The following FYCO1 variants were observed in gnomAD, a reference collection of about 807,000 sequenced individuals.
FYCO1 encodes FYVE and coiled-coil domain-containing protein 1.
FYCO1 carries 122 observed loss-of-function variants against 165.1 expected under a neutral mutation model. The ratio of observed to expected loss-of-function variants is 0.74; its 90% CI spans 0.64 to 0.86. FYCO1 has a LOEUF of 0.86. Ranked by LOEUF, FYCO1 falls within the 40% of genes least tolerant of loss-of-function variation. FYCO1 has a pLI of 0.00. For synonymous variants in FYCO1, 648 were observed against 742.5 expected, an observed-to-expected ratio of 0.87 and a Z score of 2.07; for missense variants, 1,702 against 1,810.3, an observed-to-expected ratio of 0.94 and a Z score of 1.09.
chr3:45,946,265 G>A (rs1478148080), intron 14 of FYCO1: 1 of 525,252 alleles, frequency 1.9e-6, no homozygotes, highest in Non-Finnish European at 3.4e-6. Flanking sequence ...GGCTAATGGA[G>A]AGTCCTCATC....
At position 45,968,830 on chromosome 3, in the gene FYCO1, A is replaced by G. The variant is rs1706265110; in HGVS notation, c.631-127T>C. The G allele has an allele frequency of 5.4e-6, 6 of 1,102,894 alleles. No homozygotes were observed. The South Asian group carries it at 6.8e-5, about 12-fold the overall frequency. The allele number at this position is 1,102,894 out of a possible 1,614,324, so 68.3% of individuals were successfully genotyped here. A position where few individuals can be genotyped will look rare whatever the true frequency, so the allele number is the denominator to read the frequency against. ...ATTACCTGCCCTAAGGTTAGTCTAA[A>G]GAACTATTCAAAAGACTAGAATCCC... On this transcript the variant is annotated intron_variant, in intron 7 of 17. Transcript: ENST00000296137.
chr3:45,985,996 G>A (rs960994054), intron 1 of FYCO1, among the ~76,000 whole-genome samples: 5 of 152,274 alleles, frequency 3.3e-5, no homozygotes, highest in African/African-American at 7.2e-5. Flanking sequence ...GGTCTATTGC[G>A]TGCAGGGCTC....
In FYCO1 at chr3:45,975,989, G is replaced by A. The variant is rs1021738495; in HGVS notation, c.289-644C>T. Among the ~76,000 whole-genome samples the A allele has an allele frequency of 6.8e-4, 103 of 152,302 alleles. 1 individual carries two copies. Among genetic ancestry groups the A allele is most frequent in the East Asian group, 2.7e-3 (14 of 5,186 alleles). On this transcript the variant is annotated intron_variant, in intron 4 of 17. Transcript: ENST00000296137. ...CAGTAAAATCTACAAGTCTGCCAAC[G>A]CTTTCCTGGTTGGATTTCCTGTTCT... is the stretch of plus-strand genomic sequence containing the variant.
intron 11 of FYCO1, among the ~76,000 whole-genome samples, chr3:45,960,157 G>C (rs62242788): frequency 0.15 from 22,488 of 152,210 alleles, 2,102 homozygotes; most frequent in East Asian, 0.28. Flanking sequence ...TGCACTGGAG[G>C]GGGAGGATGT....
chr3:45,936,375 G>A (rs1397392152), intron 15 of FYCO1, 73 bp downstream of exon 15: 19 of 995,564 alleles, frequency 1.9e-5, no homozygotes, highest in South Asian at 1.9e-4. Flanking sequence ...GGTCCCCAGC[G>A]CCGGCACTGG....
chr3:45,939,656 C>T (rs759809772), intron 14 of FYCO1, among the ~76,000 whole-genome samples: 84 of 152,294 alleles, frequency 5.5e-4, no homozygotes, highest in Admixed American at 1.0e-3. Context: ...AGGGTGCCAT[C>T]TCCCCTCAGC....
chr3:45,946,450 CTG>C lies in FYCO1; in HGVS notation c.3944+8797_3944+8798del, dbSNP rs1704611896. 4 of 1,576,206 alleles carry C rather than the reference CTG, an allele frequency of 2.5e-6. No individual in the cohort carries two copies. The African/African-American group carries it at 5.4e-5, about 21-fold the overall frequency. On this transcript the variant is annotated intron_variant, in intron 14 of 17. Transcript: ENST00000296137. ...CAGCCCCAAATATAATTCCTGGGTT[CTG>C]ACTCACAGGTGTTCATCAGAACAGA...
chr3:45,963,902 T>C (rs1433552090), intron 10 of FYCO1, among the ~76,000 whole-genome samples: 2 of 152,200 alleles, frequency 1.3e-5, no homozygotes, highest in African/African-American at 2.4e-5. Context: ...AAAATGGGGA[T>C]AGATGATAAC....
intron 15 of FYCO1, among the ~76,000 whole-genome samples, chr3:45,932,128 A>T (rs1221089564): frequency 1.3e-5 from 2 of 152,164 alleles, no homozygotes; most frequent in Non-Finnish European, 2.9e-5. Flanking sequence ...TGCTGCAAGG[A>T]CTAGATTACA....
intron 14 of FYCO1, among the ~76,000 whole-genome samples, chr3:45,940,562 C>A (rs890024935): frequency 6.6e-6 from 1 of 152,144 alleles, no homozygotes; most frequent in Non-Finnish European, 1.5e-5. Context: ...AGGGAAGAGT[C>A]GGGGGAGAAG....
chr3:45,955,468 G>A, intron 13 of FYCO1, 75 bp from the exon 14 acceptor site: 1 of 1,540,122 alleles, frequency 6.5e-7, no homozygotes, highest in Non-Finnish European at 8.9e-7. Flanking sequence ...GGGCCCTTGG[G>A]AAAGTGAGAG....
chr3:45,974,901 G>A (rs1204629962), intron 5 of FYCO1, among the ~76,000 whole-genome samples: 3 of 152,210 alleles, frequency 2.0e-5, no homozygotes, highest in African/African-American at 7.2e-5. Flanking sequence ...GAGAGGCCAA[G>A]GCTGTAACCT....
At chr3:45,936,759 G>C (rs1179245657) in intron 14 of FYCO1, among the ~76,000 whole-genome samples, 1 of 152,142 alleles carries the variant, frequency 6.6e-6, no homozygotes, top group Non-Finnish European at 1.5e-5. Context: ...GAAGACAATA[G>C]GGCTACAGCA....
Position 45,919,041 on chromosome 3 carries a change from G to C in FYCO1, c.*2724C>G, listed in dbSNP as rs895118072. The C allele has an allele frequency of 6.7e-6, 1 of 149,504 alleles. No individual in the cohort carries two copies. The highest frequency in any genetic ancestry group is 2.5e-5 in the African/African-American group (1 of 40,088). The allele number at this position is 149,504 out of a possible 1,614,324, so 9.3% of individuals were successfully genotyped here. A position where few individuals can be genotyped will look rare whatever the true frequency, so the allele number is the denominator to read the frequency against. On this transcript the variant is annotated 3_prime_UTR_variant, in exon 18 of 18. Transcript: ENST00000296137. ...TATGAAGACGTAACTGTTATTCAGA[G>C]AGATGAGCCATCAAGGGGCTGCCCC...
Position 45,966,988 on chromosome 3 carries a change from C to A in FYCO1, c.2346G>T (p.Gln782His), listed in dbSNP as rs778628335. 1.2e-6 allele frequency: 2 copies of A among 1,613,066 alleles called. No homozygotes were observed. The highest frequency in any genetic ancestry group is 2.2e-5 in the East Asian group (1 of 44,894). The stretch of plus-strand genomic sequence containing the variant: ...GAGCCTGCAGCCGTTGGACCTCCCC[C>A]TGATGGACTTCCAGCTGCGCCTGAG... ...ALSQAQLEVH[Q>H]GEVQRLQAQV... The change falls in exon 8 of 18, where the codon CAG becomes CAT. Residue 782 changes from glutamine to histidine, a missense_variant. Transcript: ENST00000296137.
chr3:45,995,490 C>A (rs2125886729), intron 1 of FYCO1, among the ~76,000 whole-genome samples: 1 of 152,366 alleles, frequency 6.6e-6, no homozygotes, highest in East Asian at 1.9e-4. Context: ...GTCTTTCTAA[C>A]CGACCAACAG....
intron 15 of FYCO1, among the ~76,000 whole-genome samples, chr3:45,934,407 T>C (rs1392308362): frequency 1.3e-5 from 2 of 152,284 alleles, no homozygotes; most frequent in African/African-American, 4.8e-5. Context: ...AGGAATAACT[T>C]ATTATCTATG....
At chr3:45,926,835 A>G (rs918804933) in intron 16 of FYCO1, among the ~76,000 whole-genome samples, 1 of 152,124 alleles carries the variant, frequency 6.6e-6, no homozygotes, top group Non-Finnish European at 1.5e-5. Flanking sequence ...ATGGTGGCGC[A>G]TGCCTGTAAT....
chr3:45,942,412 A>G (rs1412234911), intron 14 of FYCO1, among the ~76,000 whole-genome samples: 2 of 152,150 alleles, frequency 1.3e-5, no homozygotes, highest in African/African-American at 2.4e-5. Context: ...CCTGCTCCCA[A>G]TGCTTGACAT....
Sources: allele counts gnomAD v4.1 joint callset (sites outside exome capture counted in the v4.1 genomes callset), GRCh38; gene constraint gnomAD v4.1.1; transcripts MANE v1.5; gene names NCBI Gene and HGNC (gene_info 2026-07-23, HGNC 2026-07-21).